SPRYD7: variants seen among roughly 807,000 people sequenced by gnomAD.
SPRYD7 encodes the protein SPRY domain-containing protein 7.
In SPRYD7, 14 loss-of-function variants were observed where a neutral mutation model predicts 23.8. The ratio of observed to expected loss-of-function variants is 0.59; its 90% CI spans 0.39 to 0.92. The LOEUF is 0.92. Among genes scored for constraint, SPRYD7 ranks in the 40% least tolerant of loss-of-function variants. SPRYD7 has a pLI of 0.00. For synonymous variants in SPRYD7, 75 were observed against 84.9 expected (o/e 0.88, Z 0.64); for missense variants, 194 against 241.7 (o/e 0.80, Z 1.31).
At chr13:49,922,982 G>C (rs1270590804) in intron 3 of SPRYD7, among the ~76,000 whole-genome samples, 1 of 152,154 alleles carries the variant, frequency 6.6e-6, no homozygotes, top group African/African-American at 2.4e-5. Flanking sequence ...GGAATACTGA[G>C]AAAGATAAAT....
At chr13:49,928,150 A>C in intron 2 of SPRYD7, 65 bp from the exon 3 acceptor site, 3 of 1,438,650 alleles carry the variant, frequency 2.1e-6, no homozygotes, top group Non-Finnish European at 2.9e-6. Context: ...TTATTTTAAA[A>C]GGGAGTATAA....
intron 1 of SPRYD7, among the ~76,000 whole-genome samples, chr13:49,933,601 CAA>C (rs147055694): frequency 7.4e-5 from 7 of 94,556 alleles, no homozygotes; most frequent in Admixed American, 1.2e-4. Context: ...GATTCCCTCT[CAA>C]AAAAAAAAAA....
At chr13:49,925,517 T>C (rs989848918) in intron 3 of SPRYD7, among the ~76,000 whole-genome samples, 4 of 150,542 alleles carry the variant, frequency 2.7e-5, no homozygotes, top group Non-Finnish European at 4.4e-5. Context: ...ATTATATGTA[T>C]AAGGAGAAAG....
intron 1 of SPRYD7, among the ~76,000 whole-genome samples, chr13:49,934,614 A>T (rs901411881): frequency 6.6e-6 from 1 of 152,052 alleles, no homozygotes; most frequent in Non-Finnish European, 1.5e-5. Flanking sequence ...CAGTTAGAAA[A>T]TTTGGAGATG....
intron 4 of SPRYD7, among the ~76,000 whole-genome samples, chr13:49,918,526 C>T (rs1955778266): frequency 1.4e-5 from 2 of 147,344 alleles, no homozygotes; most frequent in Admixed American, 1.4e-4. Flanking sequence ...CTCCGCCTCA[C>T]CCTCCTGAGT....
chr13:49,919,263 A>G (rs1479146285), intron 4 of SPRYD7, among the ~76,000 whole-genome samples: 8 of 151,886 alleles, frequency 5.3e-5, no homozygotes, highest in Non-Finnish European at 1.2e-4. Context: ...GTAAAAATAT[A>G]AAAGTTGGCC....
chr13:49,923,885 T>C (rs1955848310), intron 3 of SPRYD7, among the ~76,000 whole-genome samples: 1 of 152,224 alleles, frequency 6.6e-6, no homozygotes, highest in African/African-American at 2.4e-5. Flanking sequence ...GTGTGTTCTA[T>C]GTCTTTATTA....
intron 3 of SPRYD7, among the ~76,000 whole-genome samples, chr13:49,922,918 G>A (rs555429469): frequency 1.3e-5 from 2 of 152,200 alleles, no homozygotes; most frequent in African/African-American, 4.8e-5. Context: ...TGGTATGAAA[G>A]ATTCTCAATT....
intron 1 of SPRYD7, among the ~76,000 whole-genome samples, chr13:49,933,499 G>C (rs1264722482): frequency 6.6e-6 from 1 of 151,808 alleles, no homozygotes; most frequent in East Asian, 1.9e-4. Flanking sequence ...CTACTCAGGA[G>C]GCTGAGACAG....
chr13:49,915,081 A>G lies in SPRYD7; in HGVS notation c.573T>C (p.Phe191=). ...TPPPGFEKIL[F]EQQIF ...AATACATTCAGAAGATTTGCTGTTC[A>G]AATAATATTTTTTCAAAACCAGGTG... Residue 191 remains phenylalanine, a synonymous_variant, in exon 5 of 5, where the codon TTT becomes TTC. Transcript: ENST00000361840. The G allele has an allele frequency of 6.4e-7, 1 of 1,556,058 alleles. No individual in the cohort carries two copies. The highest frequency in any genetic ancestry group is 1.2e-5 in the South Asian group (1 of 81,152).
chr13:49,925,015 T>G (rs1277545759), intron 3 of SPRYD7, among the ~76,000 whole-genome samples: 1 of 147,806 alleles, frequency 6.8e-6, no homozygotes, highest in Non-Finnish European at 1.5e-5. Flanking sequence ...ATAATAATAA[T>G]AATAATAATA....
At chr13:49,929,742 C>A (rs1325923086) in intron 2 of SPRYD7, among the ~76,000 whole-genome samples, 2 of 151,818 alleles carry the variant, frequency 1.3e-5, no homozygotes, top group Non-Finnish European at 2.9e-5. Flanking sequence ...TGATCCACCC[C>A]CTCGGCCTCC....
At chr13:49,920,116 T>C (rs573623262) in intron 4 of SPRYD7, among the ~76,000 whole-genome samples, 88 of 152,104 alleles carry the variant, frequency 5.8e-4, no homozygotes, top group Non-Finnish European at 1.0e-3. Context: ...ATCCCAATAG[T>C]GGTGCACACT....
intron 3 of SPRYD7, among the ~76,000 whole-genome samples, chr13:49,924,544 G>A (rs1955857362): frequency 6.6e-6 from 1 of 151,484 alleles, no homozygotes; most frequent in Middle Eastern, 3.2e-3. Flanking sequence ...TGAGCTCAAG[G>A]GATCCTTCTG....
chr13:49,915,143 A>C lies in SPRYD7; in HGVS notation c.511T>G (p.Leu171Val). Residue 171 changes from leucine to valine, a missense_variant, in exon 5 of 5, where the codon TTG (leucine) becomes GTG (valine). Physicochemically the swap from Leu to Val is conservative, Grantham distance 32 (BLOSUM62 1). Coordinates refer to ENST00000361840, the MANE Select transcript of SPRYD7 (RefSeq NM_020456.4). ...TAAAACTCACTGAACTGGCAATCCA[A>C]AATTGCACTGTCATCAACTAAAGGA... ...PVVYVDDSAI[L>V]DCQFSEFYHT... 1 of 1,568,650 alleles carries C rather than the reference A, an allele frequency of 6.4e-7. No homozygotes were observed. The highest frequency in any genetic ancestry group is 8.7e-7 in the Non-Finnish European group (1 of 1,153,550).
At chr13:49,919,807 TA>T (rs76372615) in intron 4 of SPRYD7, among the ~76,000 whole-genome samples, 1,389 of 135,410 alleles carry the variant, frequency 0.01, 14 homozygotes, top group African/African-American at 0.028. Flanking sequence ...TATGTTTTTC[TA>T]AAAAAAAAAA....
intron 4 of SPRYD7, among the ~76,000 whole-genome samples, chr13:49,917,774 A>G (rs1051762929): frequency 1.3e-5 from 2 of 152,230 alleles, no homozygotes; most frequent in Non-Finnish European, 2.9e-5. Context: ...CCTATTTCAA[A>G]TATCAAGCTA....
intron 1 of SPRYD7, among the ~76,000 whole-genome samples, chr13:49,934,051 TA>T (rs529014208): frequency 3.5e-3 from 496 of 142,526 alleles, no homozygotes; most frequent in African/African-American, 4.7e-3. Context: ...ACAATTTTGT[TA>T]AAAAAAAAAA....
chr13:49,935,238 G>T (rs927454243), intron 1 of SPRYD7, among the ~76,000 whole-genome samples: 9 of 152,074 alleles, frequency 5.9e-5, no homozygotes, highest in Non-Finnish European at 1.3e-4. Flanking sequence ...TAAACAATCA[G>T]AAACGTGTAA....
Sources: allele counts gnomAD v4.1 joint callset (sites outside exome capture counted in the v4.1 genomes callset), GRCh38; gene constraint gnomAD v4.1.1; transcripts MANE v1.5; gene names NCBI Gene and HGNC (gene_info 2026-07-23, HGNC 2026-07-21).